The following MTHFD2L variants were observed in gnomAD, a reference collection of about 807,000 sequenced individuals.
MTHFD2L encodes the protein bifunctional methylenetetrahydrofolate dehydrogenase/cyclohydrolase 2, mitochondrial.
MTHFD2L carries 29 observed loss-of-function variants against 34.9 expected under a neutral mutation model. The observed-to-expected ratio is 0.83, with a 90% CI of 0.62 to 1.13. The LOEUF is 1.13. Ranked by LOEUF, MTHFD2L falls within the 50% of genes most tolerant of loss-of-function variation. The pLI, the probability that MTHFD2L is intolerant of heterozygous loss-of-function variation, is 0.00. For synonymous variants in MTHFD2L, 167 were observed against 155.7 expected (o/e 1.07, Z -0.54); for missense variants, 481 against 446.5 (o/e 1.08, Z -0.70).
intron 3 of MTHFD2L, among the ~76,000 whole-genome samples, chr4:74,192,268 A>G (rs1202754470): frequency 6.6e-6 from 1 of 152,202 alleles, no homozygotes; most frequent in East Asian, 1.9e-4. Context: ...ACATATTGTT[A>G]TAAAAAATTC....
At position 74,174,515 on chromosome 4, in the gene MTHFD2L, CATT is replaced by C. The variant is rs775774592; in HGVS notation, c.159_161del (p.Ile54del). On this transcript the variant is annotated inframe_deletion, in exon 2 of 8. Transcript: ENST00000325278. ...GTTTTGCTTTCCACAGACATGAAGC[CATT>C]ATTATATCAGGAACCGAAATGGCCA... 4 of 1,541,868 alleles carry C rather than the reference CATT, an allele frequency of 2.6e-6. No homozygotes were observed. Among genetic ancestry groups the C allele is most frequent in the Admixed American group, 2.1e-5 (1 of 48,442 alleles).
chr4:74,176,122 T>C (rs1315118284), intron 3 of MTHFD2L, among the ~76,000 whole-genome samples: 1 of 152,042 alleles, frequency 6.6e-6, no homozygotes. Flanking sequence ...TCATCTGAGA[T>C]GTTGTTGTCT....
At position 74,234,648 on chromosome 4, in the gene MTHFD2L, A is replaced by G. The variant is rs544308525; in HGVS notation, c.805+9254A>G. 6.6e-5 allele frequency among the ~76,000 whole-genome samples: 10 copies of G among 152,206 alleles called. No individual in the cohort carries two copies. In the South Asian group the frequency reaches 1.7e-3, roughly 25 times the overall value. ...TAGCAGGCATTAGAAAAATATATAT[A>G]TATAAACTTGGTTCAGCTCTTGAGA... On this transcript the variant is annotated intron_variant, in intron 6 of 7. Coordinates refer to ENST00000325278, the MANE Select transcript of MTHFD2L (RefSeq NM_001144978.3).
At chr4:74,131,586 G>A (rs957442877) in intron 1 of MTHFD2L, among the ~76,000 whole-genome samples, 1 of 152,110 alleles carries the variant, frequency 6.6e-6, no homozygotes, top group Non-Finnish European at 1.5e-5. Flanking sequence ...ATTAACTCAA[G>A]ATGGATTAAA....
chr4:74,177,110 A>G (rs1199710387), intron 3 of MTHFD2L, among the ~76,000 whole-genome samples: 1 of 151,978 alleles, frequency 6.6e-6, no homozygotes, highest in Non-Finnish European at 1.5e-5. Context: ...GATAATGCTT[A>G]CATTAATGAT....
chr4:74,135,939 T>TA (rs1360029075), intron 1 of MTHFD2L, among the ~76,000 whole-genome samples: 2 of 152,036 alleles, frequency 1.3e-5, no homozygotes, highest in African/African-American at 2.4e-5. Flanking sequence ...TCCTTTATGA[T>TA]AAAAATCCTC....
At chr4:74,172,454 A>T (rs544590255) in intron 1 of MTHFD2L, among the ~76,000 whole-genome samples, 6 of 152,236 alleles carry the variant, frequency 3.9e-5, no homozygotes, top group Admixed American at 3.9e-4. Context: ...AATGAAGAGT[A>T]GACAAAATTA....
chr4:74,295,670 T>C (rs59142088), intron 7 of MTHFD2L, among the ~76,000 whole-genome samples: 6,640 of 152,244 alleles, frequency 0.044, 447 homozygotes, highest in African/African-American at 0.15. Flanking sequence ...CTTGATATTT[T>C]CTATGAGCCT....
chr4:74,263,580 C>T (rs924380327), intron 6 of MTHFD2L, among the ~76,000 whole-genome samples: 1 of 151,706 alleles, frequency 6.6e-6, no homozygotes, highest in Non-Finnish European at 1.5e-5. Flanking sequence ...TTATATTTTA[C>T]TCTTTTTGTG....
At chr4:74,143,368 T>A (rs922985863) in intron 1 of MTHFD2L, 1 of 977,006 alleles carries the variant, frequency 1.0e-6, no homozygotes, top group Non-Finnish European at 1.2e-6. Context: ...AGAAAAATAT[T>A]TGTGACCTTA....
intron 6 of MTHFD2L, among the ~76,000 whole-genome samples, chr4:74,259,729 A>G (rs1427399116): frequency 1.3e-5 from 2 of 152,220 alleles, no homozygotes; most frequent in East Asian, 3.8e-4. Flanking sequence ...TAGATCAGCT[A>G]TATGTTTAAC....
intron 5 of MTHFD2L, among the ~76,000 whole-genome samples, chr4:74,219,841 C>T (rs147462313): frequency 1.2e-3 from 187 of 152,182 alleles, no homozygotes; most frequent in African/African-American, 4.3e-3. Context: ...ATAGTTTCTA[C>T]GGACATCAAC....
chr4:74,121,150 G>A (rs1721746690), upstream of MTHFD2L, among the ~76,000 whole-genome samples: 1 of 152,118 alleles, frequency 6.6e-6, no homozygotes, highest in African/African-American at 2.4e-5. Context: ...AAGAGTTTAA[G>A]CATTATTTTC....
chr4:74,266,924 A>G, intron 6 of MTHFD2L: 13 of 985,322 alleles, frequency 1.3e-5, no homozygotes, highest in South Asian at 9.4e-5. Flanking sequence ...TATCTAGACT[A>G]TCTGGCTTTC....
rs472689 is a variant in MTHFD2L at position 74,160,351 on chromosome 4, G to A, written c.143+2070G>A. On this transcript the variant is annotated intron_variant, in intron 1 of 7. Transcript: ENST00000325278. ...GCTGTGTAGGGCCTTAATTGAAAAA[G>A]TATCTTTGATTATTTTTTCACATTT... The A allele has an allele frequency of 6.8e-3, 1,195 of 175,096 alleles. 11 individuals carry two copies. Among genetic ancestry groups the A allele is most frequent in the African/African-American group, 0.027 (1,132 of 41,976 alleles). 10.8% of individuals were successfully genotyped at this position (175,096 alleles called of 1,614,324 possible). A position where few individuals can be genotyped will look rare whatever the true frequency, so the allele number is the denominator to read the frequency against.
At chr4:74,136,081 C>T (rs1385076731) in intron 1 of MTHFD2L, among the ~76,000 whole-genome samples, 3 of 151,952 alleles carry the variant, frequency 2.0e-5, no homozygotes, top group African/African-American at 7.2e-5. Context: ...GATAAGAATG[C>T]CCACTTTCAC....
At chr4:74,237,377 G>A (rs1372876512) in intron 6 of MTHFD2L, among the ~76,000 whole-genome samples, 1 of 152,060 alleles carries the variant, frequency 6.6e-6, no homozygotes, top group Non-Finnish European at 1.5e-5. Context: ...GGTTAGGCAC[G>A]GTGGCTCAAG....
intron 6 of MTHFD2L, among the ~76,000 whole-genome samples, chr4:74,247,727 A>G (rs374961729): frequency 3.9e-5 from 6 of 152,168 alleles, no homozygotes; most frequent in East Asian, 1.9e-4. Flanking sequence ...TTCTTCATCT[A>G]TTGAGATAAT....
intron 6 of MTHFD2L, among the ~76,000 whole-genome samples, chr4:74,247,042 G>A (rs1223567527): frequency 6.8e-6 from 1 of 147,976 alleles, no homozygotes; most frequent in African/African-American, 2.5e-5. Context: ...TGATGGGGAT[G>A]GCATTGAATC....
Sources: gnomAD v4.1 joint callset for allele counts (sites outside exome capture counted in the v4.1 genomes callset) on GRCh38, gnomAD v4.1.1 for gene constraint, MANE v1.5 for transcripts, NCBI Gene and HGNC (gene_info 2026-07-23, HGNC 2026-07-21) for gene names.